Variants in PLCXD1 observed in about 807,000 individuals in gnomAD.
PLCXD1 encodes the protein PI-PLC X domain-containing protein 1.
In PLCXD1, 45 loss-of-function variants were observed where a neutral mutation model predicts 37.8. That is an observed-to-expected ratio of 1.19 (90% CI 0.94 to 1.53). The LOEUF is 1.53. PLCXD1 is among the 40% of genes most tolerant of loss of function. The pLI is 0.00. For synonymous variants in PLCXD1, 246 were observed against 206.9 expected (o/e 1.19, Z -1.62); for missense variants, 539 against 454.7 (o/e 1.19, Z -1.69).
rs754737889 is a variant in PLCXD1, at chrX:290,769, TG to T, written c.388del (p.Val130TrpfsTer30). Reference sequence around the variant, plus strand: ...GTCCATATGGTGTACACAACGGCGCTGGTGGAGGTGCGGCCGGGCTGAGGTG... The same window carrying T: ...GTCCATATGGTGTACACAACGGCGCTGTGGAGGTGCGGCCGGGCTGAGGTG... ...HFVHMVYTTA[L>X]VEDTLTEISE... On this transcript the variant is annotated frameshift_variant, in exon 4 of 7. Transcript: ENST00000381657. LOFTEE classifies it high-confidence loss of function. The T allele has an allele frequency of 3.1e-6, 5 of 1,612,902 alleles. No individual in the cohort carries two copies. In the African/African-American group the frequency reaches 4.0e-5, roughly 13 times the overall value.
At position 293,008 on chromosome X, in the gene PLCXD1, G is replaced by A. The variant is rs1162507949; in HGVS notation, c.550-27G>A. 5.1e-6 allele frequency: 8 copies of A among 1,565,100 alleles called. No individual in the cohort carries two copies. In the Middle Eastern group the frequency reaches 1.4e-3, roughly 274 times the overall value. ...TGCCCCCGGCTCTCCTCTCTCCCCT[G>A]CACCCCTTAACTCTGGTCCTTTGCA... On this transcript the variant is annotated intron_variant, in intron 5 of 6. Coordinates refer to ENST00000381657, the MANE Select transcript of PLCXD1 (RefSeq NM_018390.4).
chrX:292,155 C>A (rs1260007125), intron 5 of PLCXD1, among the ~76,000 whole-genome samples: 1 of 144,790 alleles, frequency 6.9e-6, no homozygotes, highest in African/African-American at 2.6e-5. Flanking sequence ...CCAAAATTAT[C>A]TGGGTGTGGC....
upstream of PLCXD1, among the ~76,000 whole-genome samples, chrX:276,799 G>GACACT (rs2069165798): frequency 6.6e-6 from 1 of 152,118 alleles, no homozygotes; most frequent in Non-Finnish European, 1.5e-5. Flanking sequence ...GGGATGTTGG[G>GACACT]GCACTGGGAA....
In PLCXD1 at chrX:290,780, C is replaced by G. The variant is rs200849365; in HGVS notation, c.393+4C>G. ...GTACACAACGGCGCTGGTGGAGGTGCGGCCGGGCTGAGGTGGGACGCAATG... is the reference window on the plus strand; with the variant it reads ...GTACACAACGGCGCTGGTGGAGGTGGGGCCGGGCTGAGGTGGGACGCAATG... On this transcript the variant is annotated splice_donor_region_variant and intron_variant, in intron 4 of 6. Transcript: ENST00000381657. 1 of 1,611,994 alleles carries G rather than the reference C, an allele frequency of 6.2e-7. No homozygotes were observed. Among genetic ancestry groups the G allele is most frequent in the Non-Finnish European group, 8.5e-7 (1 of 1,178,928 alleles).
At chrX:284,773 A>G (rs996786104) in intron 2 of PLCXD1, among the ~76,000 whole-genome samples, 10 of 83,816 alleles carry the variant, frequency 1.2e-4, no homozygotes, top group African/African-American at 3.9e-4. Flanking sequence ...GGTTTAATGG[A>G]CTCAGTTCCA....
intron 1 of PLCXD1, chrX:283,616 G>A (rs2069348895): frequency 1.4e-5 from 2 of 146,974 alleles, no homozygotes; most frequent in African/African-American, 5.0e-5. Context: ...GGGTGGGGGC[G>A]GCCGTGTTGC....
intron 2 of PLCXD1, 114 bp from the exon 3 acceptor site, chrX:288,613 ACCTGTG>A: frequency 9.3e-7 from 1 of 1,079,422 alleles, no homozygotes; most frequent in Non-Finnish European, 1.4e-6. Flanking sequence ...CTCCCGCCAT[ACCTGTG>A]CCTGTGCTGT....
At position 299,090 on chromosome X, in the gene PLCXD1, G is replaced by A. The variant is rs372651008; in HGVS notation, c.734-7G>A. The A allele has an allele frequency of 5.3e-5, 85 of 1,604,964 alleles. No individual in the cohort carries two copies. In the African/African-American group the frequency reaches 7.6e-4, roughly 14 times the overall value. On this transcript the variant is annotated splice_region_variant and splice_polypyrimidine_tract_variant and intron_variant, in intron 6 of 6. Transcript: ENST00000381657. ...CGTGTAACCTCTCCCCACCCTCACCGTTGCAGGAGGGTTGTTCGTGGCCGG... is the reference window on the plus strand; with the variant it reads ...CGTGTAACCTCTCCCCACCCTCACCATTGCAGGAGGGTTGTTCGTGGCCGG...
intron 3 of PLCXD1, among the ~76,000 whole-genome samples, 193 bp downstream of exon 3, chrX:289,062 A>T (rs764649537): frequency 6.6e-6 from 1 of 152,162 alleles, no homozygotes; most frequent in Admixed American, 6.5e-5. Flanking sequence ...CCCTCCCCAG[A>T]GGTGGAAGAG....
upstream of PLCXD1, among the ~76,000 whole-genome samples, chrX:277,015 G>A (rs1335259390): frequency 1.3e-5 from 2 of 152,186 alleles, no homozygotes; most frequent in Admixed American, 6.5e-5. Context: ...GTCCCGCCGC[G>A]ACCGTGAAGG....
At chrX:282,069 A>G (rs1171358906) in intron 1 of PLCXD1, among the ~76,000 whole-genome samples, 2 of 152,144 alleles carry the variant, frequency 1.3e-5, no homozygotes, top group Admixed American at 1.3e-4. Context: ...CATTTCTAAG[A>G]GGAGGCCTCA....
At chrX:277,372 G>C (rs868263349), upstream of PLCXD1, among the ~76,000 whole-genome samples, 5 of 100,726 alleles carry the variant, frequency 5.0e-5, no homozygotes, top group African/African-American at 1.0e-4. Context: ...GGGACAGGAG[G>C]GGACACCCCT....
At chrX:296,358 C>CAG (rs201080860) in intron 6 of PLCXD1, among the ~76,000 whole-genome samples, 9,277 of 151,970 alleles carry the variant, frequency 0.061, 281 homozygotes, top group Middle Eastern at 0.082. Context: ...CTCCTGACCT[C>CAG]ATGATCCACC....
At chrX:279,253 G>A (rs1233101051), upstream of PLCXD1, among the ~76,000 whole-genome samples, 1 of 152,136 alleles carries the variant, frequency 6.6e-6, no homozygotes, top group African/African-American at 2.4e-5. Flanking sequence ...GCAGGAACTG[G>A]CTGTTTTACT....
At chrX:298,985 G>T in intron 6 of PLCXD1, 112 bp from the exon 7 acceptor site, 1 of 833,726 alleles carries the variant, frequency 1.2e-6, no homozygotes, top group East Asian at 2.5e-5. Context: ...TGGACATGGT[G>T]CTTTCAACTC....
At chrX:294,553 C>T (rs758592832) in intron 6 of PLCXD1, among the ~76,000 whole-genome samples, 1 of 151,274 alleles carries the variant, frequency 6.6e-6, no homozygotes, top group Non-Finnish European at 1.5e-5. Context: ...ATGCTTGAAT[C>T]CAGGAGGCGG....
chrX:294,904 A>C (rs1035539395), intron 6 of PLCXD1, among the ~76,000 whole-genome samples: 1 of 151,870 alleles, frequency 6.6e-6, no homozygotes, highest in Admixed American at 6.6e-5. Context: ...ATTTCGGTGC[A>C]GTGGCTCACG....
chrX:292,304 A>G (rs768217709), intron 5 of PLCXD1, among the ~76,000 whole-genome samples: 187 of 151,602 alleles, frequency 1.2e-3, no homozygotes, highest in African/African-American at 4.2e-3. Context: ...CACAAAATAC[A>G]AACAATTAGC....
upstream of PLCXD1, among the ~76,000 whole-genome samples, chrX:276,591 G>A (rs1182436771): frequency 6.6e-6 from 1 of 152,148 alleles, no homozygotes; most frequent in African/African-American, 2.4e-5. Flanking sequence ...CTGTGGCCTG[G>A]ACGTTGGCAG....
Sources: gnomAD v4.1 joint callset for allele counts (sites outside exome capture counted in the v4.1 genomes callset) on GRCh38, gnomAD v4.1.1 for gene constraint, MANE v1.5 for transcripts, NCBI Gene and HGNC (gene_info 2026-07-23, HGNC 2026-07-21) for gene names.